Variants in NOC3L observed in about 807,000 individuals in gnomAD.
NOC3L encodes nucleolar complex protein 3 homolog.
NOC3L carries 85 observed loss-of-function variants against 102.5 expected under a neutral mutation model. That is an observed-to-expected ratio of 0.83 (90% confidence interval 0.70 to 0.99). The LOEUF is 0.99. NOC3L is among the 50% of genes least tolerant of loss of function. The pLI is 0.00. For synonymous variants in NOC3L, 303 were observed against 309.4 expected (o/e 0.98, Z 0.22); for missense variants, 878 against 914.9 (o/e 0.96, Z 0.52).
At chr10:94,324,310 T>C in the NOC3L span, 1 of 1,497,082 alleles carries the variant, frequency 6.7e-7, no homozygotes, top group South Asian at 1.1e-5. Flanking sequence ...TGTTGGAGAT[T>C]CTGTGTCTTT....
At chr10:94,327,725 T>C in the NOC3L span, among the ~76,000 whole-genome samples, 1 of 152,184 alleles carries the variant, frequency 6.6e-6, no homozygotes, top group Admixed American at 6.5e-5. Flanking sequence ...TTTGATGTGA[T>C]CTTTTTTAAA....
At chr10:94,354,605 G>T (rs777549420) in intron 6 of NOC3L, among the ~76,000 whole-genome samples, 1 of 152,048 alleles carries the variant, frequency 6.6e-6, no homozygotes, top group Non-Finnish European at 1.5e-5. Flanking sequence ...CCTGTAGCGC[G>T]CTTTTTAAAA....
chr10:94,338,500 G>A (rs1303725872), intron 18 of NOC3L, 108 bp downstream of exon 18: 2 of 1,271,804 alleles, frequency 1.6e-6, no homozygotes, highest in Non-Finnish European at 2.1e-6. Flanking sequence ...GGCAGCCCCA[G>A]AACAAAATAT....
chr10:94,359,392 A>G (rs1452735163), intron 2 of NOC3L, among the ~76,000 whole-genome samples: 1 of 152,008 alleles, frequency 6.6e-6, no homozygotes, highest in Non-Finnish European at 1.5e-5. Context: ...GATTGCAATG[A>G]GCAGAGCAGA....
intron 19 of NOC3L, among the ~76,000 whole-genome samples, chr10:94,336,819 AACACTT>A (rs1018203030): frequency 2.0e-5 from 3 of 151,882 alleles, no homozygotes; most frequent in African/African-American, 7.2e-5. Context: ...CTGTAATCCC[AACACTT>A]TAGGAGGCCA....
rs1291496573 is a variant in NOC3L at position 94,338,607 on chromosome 10, C to G, written c.2091+1G>C. ...AAGAAAAAAACCAGGGCCACTCTTA[C>G]CCGCAGAGCATGCAGTTCCCACAGA... On this transcript the variant is annotated splice_donor_variant, in intron 18 of 20. Transcript: ENST00000371361. LOFTEE classifies it high-confidence loss of function. 6.5e-7 allele frequency: 1 copy of G among 1,540,306 alleles called. No individual in the cohort carries two copies. Among genetic ancestry groups the G allele is most frequent in the Admixed American group, 1.9e-5 (1 of 53,184 alleles).
intron 14 of NOC3L, among the ~76,000 whole-genome samples, chr10:94,341,379 A>G (rs1315591021): frequency 6.6e-6 from 1 of 151,784 alleles, no homozygotes; most frequent in Non-Finnish European, 1.5e-5. Context: ...ATATGAATAT[A>G]TTTAATTATC....
chr10:94,362,546 C>T (rs112080135), intron 1 of NOC3L, among the ~76,000 whole-genome samples: 33 of 152,280 alleles, frequency 2.2e-4, no homozygotes, highest in African/African-American at 7.2e-4. Context: ...CCCTGCTTCT[C>T]ATTTGTGAAA....
chr10:94,339,594 T>G (rs3758528), intron 17 of NOC3L, 145 bp downstream of exon 17: 20,503 of 684,834 alleles, frequency 0.03, 552 homozygotes, highest in African/African-American at 0.11. Context: ...CAATTTTATA[T>G]ACCTCTTTTG....
chr10:94,352,949 T>C lies in NOC3L; in HGVS notation c.805A>G (p.Ile269Val), dbSNP rs993341190. 7 of 1,613,714 alleles carry C rather than the reference T, an allele frequency of 4.3e-6. No individual in the cohort carries two copies. The Admixed American group carries it at 1.0e-4, about 23-fold the overall frequency. Residue 269 changes from isoleucine (I) to valine (V), a missense_variant, in exon 7 of 21, where the codon ATT becomes GTT. Ile to Val is a conservative substitution (Grantham distance 29). Coordinates refer to ENST00000371361, the MANE Select transcript of NOC3L (RefSeq NM_022451.11). Reference protein sequence around the residue: ...IVSLMELFKDITPSYKIRPLT... With the variant: ...IVSLMELFKDVTPSYKIRPLT... ...GGCCGGATTTTATATGAAGGAGTAA[T>C]ATCTTTAAATAACTCCATCAGAGAA...
chr10:94,341,944 A>C (rs111448886), intron 13 of NOC3L, among the ~76,000 whole-genome samples, 199 bp from the exon 14 acceptor site: 3 of 152,372 alleles, frequency 2.0e-5, no homozygotes, highest in Admixed American at 6.5e-5. Flanking sequence ...CACTAAACTC[A>C]GTAGAAATAT....
Position 94,350,096 on chromosome 10 carries a change from C to T in NOC3L, c.1128+17G>A. On this transcript the variant is annotated intron_variant, in intron 9 of 20. Transcript: ENST00000371361. ...ATTTTCTAAGGAGGACAGCAATAAC[C>T]ATTTACAGCAACTCACCAATTTTGA... The T allele has an allele frequency of 6.2e-7, 1 of 1,612,940 alleles. No homozygotes were observed. Among genetic ancestry groups the T allele is most frequent in the Non-Finnish European group, 8.5e-7 (1 of 1,179,144 alleles).
At chr10:94,360,580 T>C (rs1277975242) in intron 2 of NOC3L, among the ~76,000 whole-genome samples, 3 of 151,884 alleles carry the variant, frequency 2.0e-5, no homozygotes, top group Non-Finnish European at 4.4e-5. Flanking sequence ...TTGGAGGAGA[T>C]AGGAGTAGGG....
intron 9 of NOC3L, 90 bp downstream of exon 9, chr10:94,350,023 G>A (rs936915049): frequency 5.6e-6 from 7 of 1,242,748 alleles, no homozygotes; most frequent in Non-Finnish European, 8.1e-6. Flanking sequence ...CTCCCAAAGT[G>A]CTGGGATTAC....
In NOC3L at chr10:94,341,674, C is replaced by G. The variant is rs568428937; in HGVS notation, c.1643G>C (p.Gly548Ala). The G allele has an allele frequency of 7.5e-6, 11 of 1,466,338 alleles. No individual in the cohort carries two copies. In the Admixed American group the frequency reaches 2.0e-4, roughly 27 times the overall value. 90.8% of individuals were successfully genotyped at this position (1,466,338 alleles called of 1,614,324 possible). A position where few individuals can be genotyped will look rare whatever the true frequency, so the allele number is the denominator to read the frequency against. Reference sequence around the variant, plus strand: ...AAAAAATAATTTATTATTACTTACACCAGACTCAATGAGAGTATGAAGAAC... The same window carrying G: ...AAAAAATAATTTATTATTACTTACAGCAGACTCAATGAGAGTATGAAGAAC... ...LVVLHTLIES[G>A]DLSYQESLHC... Residue 548 changes from glycine to alanine, a missense_variant and splice_region_variant, in exon 14 of 21, where the codon GGT (glycine) becomes GCT (alanine). Coordinates refer to ENST00000371361, the MANE Select transcript of NOC3L (RefSeq NM_022451.11).
intron 20 of NOC3L, 28 bp from the exon 21 acceptor site, chr10:94,334,333 GA>G: frequency 6.8e-7 from 1 of 1,461,060 alleles, no homozygotes; most frequent in Non-Finnish European, 9.5e-7. Context: ...GTATGAGTTA[GA>G]AGTTACTTAT....
intron 11 of NOC3L, among the ~76,000 whole-genome samples, chr10:94,345,784 C>T (rs2054335933): frequency 6.6e-6 from 1 of 152,030 alleles, no homozygotes; most frequent in Admixed American, 6.6e-5. Flanking sequence ...TTTTTACAAG[C>T]AACTTGATCA....
At chr10:94,362,786 A>G (rs7100430) in intron 1 of NOC3L, 44 bp downstream of exon 1, 422,950 of 1,611,362 alleles carry the variant, frequency 0.26, 58,280 homozygotes, top group Middle Eastern at 0.42. Flanking sequence ...CTATCACCCG[A>G]AGGGGCCCTA....
At chr10:94,318,329 T>C in the NOC3L span, among the ~76,000 whole-genome samples, 1 of 152,220 alleles carries the variant, frequency 6.6e-6, no homozygotes, top group East Asian at 1.9e-4. Flanking sequence ...TGTTCCTAAA[T>C]TGTCTTGCCT....
Sources: allele counts gnomAD v4.1 joint callset (sites outside exome capture counted in the v4.1 genomes callset), GRCh38; gene constraint gnomAD v4.1.1; transcripts MANE v1.5; gene names NCBI Gene and HGNC (gene_info 2026-07-23, HGNC 2026-07-21).